ZNF568: variants seen among roughly 807,000 people sequenced by gnomAD.
The protein encoded by ZNF568 is zinc finger protein 568.
A neutral mutation model predicts 18.1 loss-of-function variants in ZNF568; 11 were observed. The ratio of observed to expected loss-of-function variants is 0.61; its 90% CI spans 0.38 to 1.00. ZNF568 has a LOEUF of 1.00. Ranked by LOEUF, ZNF568 falls within the 50% of genes least tolerant of loss-of-function variation. The probability of loss-of-function intolerance (pLI) is 0.01; values close to 1 mark genes in which losing one functional copy is unlikely to be tolerated. For missense variants in ZNF568, 639 were observed against 768.2 expected (o/e 0.83, Z 1.99); for synonymous variants, 213 against 246.6 (o/e 0.86, Z 1.28).
intron 6 of ZNF568, among the ~76,000 whole-genome samples, chr19:36,959,249 T>A (rs1006818877): frequency 6.6e-6 from 1 of 152,208 alleles, no homozygotes; most frequent in Admixed American, 6.5e-5. Context: ...TATCAGATGC[T>A]TTTTCTGCAT....
At chr19:36,970,494 G>A (rs187148777) in intron 6 of ZNF568, among the ~76,000 whole-genome samples, 62 of 151,954 alleles carry the variant, frequency 4.1e-4, no homozygotes, top group East Asian at 5.8e-4. Flanking sequence ...ACAGGTGTGC[G>A]CCACCACATC....
Position 36,951,117 on chromosome 19 carries a change from A to G in ZNF568, c.*29A>G. 4 of 1,479,476 alleles carry G rather than the reference A, an allele frequency of 2.7e-6. No individual in the cohort carries two copies. Among genetic ancestry groups the G allele is most frequent in the Non-Finnish European group, 2.7e-6 (3 of 1,118,822 alleles). 91.6% of individuals were successfully genotyped at this position (1,479,476 alleles called of 1,614,324 possible). A position where few individuals can be genotyped will look rare whatever the true frequency, so the allele number is the denominator to read the frequency against. On this transcript the variant is annotated 3_prime_UTR_variant, in exon 7 of 7. Coordinates refer to ENST00000333987, the MANE Select transcript of ZNF568 (RefSeq NM_198539.4). ...AAAGAAGGCCTCTTAAATTCAACCCATGTTTTACTTAAAATATCTTGGCAT... is the reference window on the plus strand; with the variant it reads ...AAAGAAGGCCTCTTAAATTCAACCCGTGTTTTACTTAAAATATCTTGGCAT...
At chr19:36,983,968 G>C (rs983316118), downstream of ZNF568, among the ~76,000 whole-genome samples, 2 of 136,980 alleles carry the variant, frequency 1.5e-5, no homozygotes, top group African/African-American at 2.8e-5. Flanking sequence ...GTGCGATCCC[G>C]GCTCACTGCA....
At chr19:36,964,122 T>G (rs1036133483) in intron 6 of ZNF568, among the ~76,000 whole-genome samples, 1 of 150,384 alleles carries the variant, frequency 6.6e-6, no homozygotes, top group African/African-American at 2.5e-5. Flanking sequence ...GGGCAGTAAC[T>G]TTGTAAGATC....
chr19:36,995,679 T>C (rs1784522907), intron 4 of ZNF568, among the ~76,000 whole-genome samples: 1 of 152,222 alleles, frequency 6.6e-6, no homozygotes, highest in Non-Finnish European at 1.5e-5. Flanking sequence ...TTTGTTCCTA[T>C]ATTGTTTCGT....
intron 7 of ZNF568, among the ~76,000 whole-genome samples, chr19:36,978,575 C>T (rs1470847319): frequency 1.3e-5 from 2 of 152,144 alleles, no homozygotes; most frequent in Admixed American, 6.6e-5. Flanking sequence ...TCCCCACACC[C>T]CTCAATCTGA....
intron 4 of ZNF568, among the ~76,000 whole-genome samples, chr19:36,926,607 A>G (rs2073558782): frequency 6.6e-6 from 1 of 152,190 alleles, no homozygotes; most frequent in Admixed American, 6.5e-5. Context: ...TGTAACAAGT[A>G]CCCCATAAAT....
rs1039130201 is a variant in ZNF568, at chr19:36,939,630, C to T, written c.358+2388C>T. ...TCTCAGCTCACTGCAACCTCCGCCTCCTGGGTTTAAGCGATTCTTCTGCCT... is the reference window on the plus strand; with the variant it reads ...TCTCAGCTCACTGCAACCTCCGCCTTCTGGGTTTAAGCGATTCTTCTGCCT... On this transcript the variant is annotated intron_variant, in intron 6 of 6. Transcript: ENST00000333987. 2.0e-5 allele frequency among the ~76,000 whole-genome samples: 3 copies of T among 148,118 alleles called. No homozygotes were observed. The South Asian group carries it at 6.3e-4, about 31-fold the overall frequency.
intron 6 of ZNF568, chr19:36,974,362 G>A: frequency 6.7e-7 from 1 of 1,484,550 alleles, no homozygotes; most frequent in Non-Finnish European, 9.1e-7. Context: ...GGCCTCCCAA[G>A]GGGTTCAGGG....
chr19:36,965,048 T>G (rs1372649699), intron 6 of ZNF568, among the ~76,000 whole-genome samples: 1 of 152,198 alleles, frequency 6.6e-6, no homozygotes, highest in African/African-American at 2.4e-5. Context: ...CAACTGGGCT[T>G]GAAATTTTCA....
At chr19:36,937,013 G>A (rs1600795164) in intron 5 of ZNF568, 134 bp from the exon 6 acceptor site, 2 of 1,357,452 alleles carry the variant, frequency 1.5e-6, no homozygotes, top group Middle Eastern at 2.1e-4. Flanking sequence ...AGTGTTAAAG[G>A]CTGATTACTT....
chr19:36,918,702 A>G (rs1023343176), intron 2 of ZNF568, among the ~76,000 whole-genome samples: 1 of 152,206 alleles, frequency 6.6e-6, no homozygotes, highest in Non-Finnish European at 1.5e-5. Context: ...AAGTACATTC[A>G]CATTGTTATG....
intron 4 of ZNF568, among the ~76,000 whole-genome samples, chr19:36,929,607 C>T (rs899341498): frequency 1.3e-5 from 2 of 151,212 alleles, no homozygotes; most frequent in African/African-American, 4.9e-5. Context: ...ATCACTTGTA[C>T]CCAGGAGGCA....
intron 2 of ZNF568, among the ~76,000 whole-genome samples, chr19:36,921,046 C>A (rs983614482): frequency 6.6e-6 from 1 of 152,144 alleles, no homozygotes; most frequent in Non-Finnish European, 1.5e-5. Context: ...GCTATACCAT[C>A]CACATTTGTG....
chr19:36,947,684 A>G (rs947651384), intron 6 of ZNF568, among the ~76,000 whole-genome samples: 2 of 151,878 alleles, frequency 1.3e-5, no homozygotes, highest in African/African-American at 4.8e-5. Context: ...CTTTTTTTTG[A>G]GATGAGGTCT....
chr19:36,967,320 T>TTGGGAAGCTGAGGTGGGTGGATCACC (rs1460861931), intron 6 of ZNF568, among the ~76,000 whole-genome samples: 1 of 152,124 alleles, frequency 6.6e-6, no homozygotes, highest in Non-Finnish European at 1.5e-5. Context: ...TCCCAACACT[T>TTGGGAAGCTGAGGTGGGTGGATCACC]TGGGAAGCTG....
chr19:36,941,697 G>A (rs767729225), intron 6 of ZNF568, among the ~76,000 whole-genome samples: 8 of 152,112 alleles, frequency 5.3e-5, no homozygotes, highest in Non-Finnish European at 8.8e-5. Context: ...GTTAATCTAG[G>A]CAAAAGTAAT....
At chr19:36,960,010 C>A (rs2074135982) in intron 6 of ZNF568, among the ~76,000 whole-genome samples, 2 of 145,526 alleles carry the variant, frequency 1.4e-5, no homozygotes, top group African/African-American at 5.1e-5. Flanking sequence ...CTGCTCTGAT[C>A]TTTATTATTT....
At chr19:36,956,861 T>C (rs1285077824), downstream of ZNF568, among the ~76,000 whole-genome samples, 1 of 152,194 alleles carries the variant, frequency 6.6e-6, no homozygotes, top group Non-Finnish European at 1.5e-5. Flanking sequence ...GTCTCCCAAA[T>C]TGCTGAAATT....
Sources: gnomAD v4.1 joint callset for allele counts (sites outside exome capture counted in the v4.1 genomes callset) on GRCh38, gnomAD v4.1.1 for gene constraint, MANE v1.5 for transcripts, NCBI Gene and HGNC (gene_info 2026-07-23, HGNC 2026-07-21) for gene names.